The following ITGA9 variants were observed in gnomAD, a reference collection of about 807,000 sequenced individuals.
The protein encoded by ITGA9 is integrin subunit alpha 9.
ITGA9 carries 56 observed loss-of-function variants against 127.8 expected under a neutral mutation model. The ratio of observed to expected loss-of-function variants is 0.44; its 90% CI spans 0.35 to 0.55. The LOEUF (loss-of-function observed/expected upper bound fraction) is 0.55, where lower values mean the gene tolerates loss of function less well. ITGA9 is among the 20% of genes least tolerant of loss of function. The pLI, the probability that ITGA9 is intolerant of heterozygous loss-of-function variation, is 0.00. For synonymous variants in ITGA9, 508 were observed against 514.5 expected, an observed-to-expected ratio of 0.99 and a Z score of 0.17; for missense variants, 1,196 against 1,347.1, an observed-to-expected ratio of 0.89 and a Z score of 1.76.
chr3:37,512,302 C>T (rs1322731098), intron 8 of ITGA9, among the ~76,000 whole-genome samples: 1 of 150,694 alleles, frequency 6.6e-6, no homozygotes, highest in African/African-American at 2.5e-5. Context: ...TCACTGCAAC[C>T]TCCACCTCCC....
chr3:37,634,227 G>A (rs1039827237), intron 16 of ITGA9, among the ~76,000 whole-genome samples: 1 of 151,672 alleles, frequency 6.6e-6, no homozygotes, highest in Non-Finnish European at 1.5e-5. Context: ...CAAAATTGCA[G>A]TAGTAAGTCC....
chr3:37,452,933 G>C lies in ITGA9; in HGVS notation c.185+374G>C, dbSNP rs1698212533. ...CCTCCGGGCGGCCGCCGCTGGCCCAGCGAGCCTCCTGAACCTCGCAGGGCC... is the reference window on the plus strand; with the variant it reads ...CCTCCGGGCGGCCGCCGCTGGCCCACCGAGCCTCCTGAACCTCGCAGGGCC... On this transcript the variant is annotated intron_variant, in intron 1 of 27. Transcript: ENST00000264741. This position sits in a 1 kb window ranked among gnomAD's most constrained non-coding sequence, Gnocchi z 7.3. Among the ~76,000 whole-genome samples, 1 of 152,208 alleles carries C rather than the reference G, an allele frequency of 6.6e-6. No homozygotes were observed. The highest frequency in any genetic ancestry group is 1.5e-5 in the Non-Finnish European group (1 of 68,020).
intron 14 of ITGA9, among the ~76,000 whole-genome samples, chr3:37,538,108 A>G (rs1485250972): frequency 6.6e-6 from 1 of 152,188 alleles, no homozygotes; most frequent in Non-Finnish European, 1.5e-5. Context: ...AGAGTGTGAA[A>G]CGAAAACCAG....
intron 24 of ITGA9, 148 bp downstream of exon 24, chr3:37,777,665 G>C (rs143550478): frequency 1.2e-6 from 1 of 869,224 alleles, no homozygotes; most frequent in Non-Finnish European, 1.8e-6. Flanking sequence ...CTAATTTTCA[G>C]TCTGAGGTTT....
At chr3:37,758,898 C>T (rs1403988360) in intron 23 of ITGA9, among the ~76,000 whole-genome samples, 1 of 152,028 alleles carries the variant, frequency 6.6e-6, no homozygotes, top group Admixed American at 6.6e-5. Flanking sequence ...ATGCTTTCCC[C>T]AGAGACACAC....
At chr3:37,642,060 C>T (rs1286619095) in intron 16 of ITGA9, among the ~76,000 whole-genome samples, 1 of 152,164 alleles carries the variant, frequency 6.6e-6, no homozygotes, top group Non-Finnish European at 1.5e-5. Context: ...ACCTCAGCCT[C>T]CCAAGTAGCT....
chr3:37,519,032 G>T (rs1435227656), intron 10 of ITGA9, among the ~76,000 whole-genome samples: 2 of 150,876 alleles, frequency 1.3e-5, no homozygotes, highest in Non-Finnish European at 2.9e-5. Context: ...CGACCTGCCC[G>T]CCTTGGCCTG....
chr3:37,522,949 C>T (rs1699059233), intron 11 of ITGA9, among the ~76,000 whole-genome samples: 1 of 152,120 alleles, frequency 6.6e-6, no homozygotes, highest in Admixed American at 6.5e-5. Context: ...ACTGTTCACT[C>T]CTGTCTGTGA....
Position 37,741,715 on chromosome 3 carries a change from C to T in ITGA9, c.2235-15C>T, listed in dbSNP as rs1244593770. On this transcript the variant is annotated splice_polypyrimidine_tract_variant and intron_variant, in intron 20 of 27. Transcript: ENST00000264741. Reference sequence around the variant, plus strand: ...GTGTTGGCCAGCGTTCATTCATTCTCCTCTCTCTGCACAGTGGCAACACGG... The same window carrying T: ...GTGTTGGCCAGCGTTCATTCATTCTTCTCTCTCTGCACAGTGGCAACACGG... The T allele has an allele frequency of 6.8e-6, 11 of 1,607,548 alleles. No homozygotes were observed. The East Asian group carries it at 1.8e-4, about 26-fold the overall frequency.
chr3:37,610,155 G>A (rs2125625317), intron 15 of ITGA9, among the ~76,000 whole-genome samples: 1 of 152,290 alleles, frequency 6.6e-6, no homozygotes, highest in South Asian at 2.1e-4. Flanking sequence ...TTGTTTTGGG[G>A]AAAAAGAGGG....
intron 4 of ITGA9, among the ~76,000 whole-genome samples, chr3:37,490,412 A>G (rs1158432252): frequency 2.6e-5 from 4 of 152,204 alleles, no homozygotes; most frequent in Admixed American, 6.5e-5. Context: ...CTGGCAAGCT[A>G]TTTTTCCCCC....
intron 15 of ITGA9, among the ~76,000 whole-genome samples, chr3:37,601,938 G>A (rs1272053455): frequency 6.6e-6 from 1 of 152,200 alleles, no homozygotes; most frequent in Non-Finnish European, 1.5e-5. Context: ...GAGAAGGGGA[G>A]CCATCGTGTG....
chr3:37,506,179 A>T (rs771319664), intron 7 of ITGA9, 94 bp downstream of exon 7: 3 of 922,010 alleles, frequency 3.3e-6, no homozygotes, highest in Non-Finnish European at 5.2e-6. Flanking sequence ...CATTGACCTG[A>T]ACATTCTACT....
intron 18 of ITGA9, among the ~76,000 whole-genome samples, chr3:37,689,309 G>A (rs1700809482): frequency 1.3e-5 from 2 of 152,194 alleles, no homozygotes; most frequent in African/African-American, 4.8e-5. Flanking sequence ...ATAAAAACAT[G>A]GGGTACACAT....
chr3:37,611,957 G>A (rs182420096), intron 15 of ITGA9, among the ~76,000 whole-genome samples: 1 of 152,176 alleles, frequency 6.6e-6, no homozygotes, highest in Admixed American at 6.5e-5. Flanking sequence ...GCTCTGCCTT[G>A]GCCGAAACAT....
At chr3:37,620,832 G>C (rs2125631191) in intron 15 of ITGA9, among the ~76,000 whole-genome samples, 1 of 152,260 alleles carries the variant, frequency 6.6e-6, no homozygotes, top group Non-Finnish European at 1.5e-5. Flanking sequence ...TTCCCTCATT[G>C]GATTGCCACC....
chr3:37,771,546 T>C (rs1696843593), intron 23 of ITGA9, among the ~76,000 whole-genome samples: 1 of 152,152 alleles, frequency 6.6e-6, no homozygotes, highest in Admixed American at 6.5e-5. Context: ...AAGCCAGGAC[T>C]ATTGAGTATT....
At chr3:37,574,939 G>C (rs1475368576) in intron 15 of ITGA9, among the ~76,000 whole-genome samples, 6 of 152,170 alleles carry the variant, frequency 3.9e-5, no homozygotes, top group African/African-American at 1.4e-4. Context: ...ACCCTGCCCT[G>C]GAATTGCTTT....
intron 5 of ITGA9, among the ~76,000 whole-genome samples, chr3:37,495,292 TC>T (rs1205280967): frequency 6.6e-6 from 1 of 152,160 alleles, no homozygotes; most frequent in Non-Finnish European, 1.5e-5. Flanking sequence ...CCATTCCTTT[TC>T]CCAGATTCAG....
Sources: gnomAD v4.1 joint callset for allele counts (sites outside exome capture counted in the v4.1 genomes callset) on GRCh38, gnomAD v4.1.1 for gene constraint, Gnocchi (gnomAD v3.1) non-coding constraint, MANE v1.5 for transcripts, NCBI Gene and HGNC (gene_info 2026-07-23, HGNC 2026-07-21) for gene names.